Variants in AGMO observed in about 807,000 individuals in gnomAD.
AGMO encodes the protein alkylglycerol monooxygenase.
In AGMO, 75 loss-of-function variants were observed where a neutral mutation model predicts 60.2. That is an observed-to-expected ratio of 1.25 (90% CI 1.03 to 1.51). The LOEUF is 1.51. AGMO is among the 40% of genes most tolerant of loss of function. The pLI, the probability that AGMO is intolerant of heterozygous loss-of-function variation, is 0.00. For missense variants in AGMO, 763 were observed against 525.5 expected (o/e 1.45, Z -4.42); for synonymous variants, 261 against 177.1 (o/e 1.47, Z -3.76).
intron 3 of AGMO, among the ~76,000 whole-genome samples, chr7:15,510,302 A>C (rs535780295): frequency 2.4e-4 from 36 of 152,144 alleles, no homozygotes; most frequent in African/African-American, 8.4e-4. Flanking sequence ...AGTAGCTAGG[A>C]CTATAGGCAT....
intron 3 of AGMO, among the ~76,000 whole-genome samples, chr7:15,514,740 A>C (rs1236633814): frequency 6.6e-6 from 1 of 152,208 alleles, no homozygotes; most frequent in African/African-American, 2.4e-5. Flanking sequence ...ACTTTGCATG[A>C]ATAATTGAAT....
At position 15,355,529 on chromosome 7, in the gene AGMO, G is replaced by C. The variant is rs1441057764; in HGVS notation, c.1263+9985C>G. On this transcript the variant is annotated intron_variant, in intron 12 of 12. Transcript: ENST00000342526. Reference sequence around the variant, plus strand: ...CAAAAAAAAAAAAAAAAAAAAGAAGGTAAGATCATGGAATTAATTCAAATT... The same window carrying C: ...CAAAAAAAAAAAAAAAAAAAAGAAGCTAAGATCATGGAATTAATTCAAATT... 2.1e-5 allele frequency among the ~76,000 whole-genome samples: 3 copies of C among 140,404 alleles called. 1 individual carries two copies. The East Asian group carries it at 6.2e-4, about 29-fold the overall frequency. 92.1% of individuals were successfully genotyped at this position (140,404 alleles called of 152,430 possible). A position where few individuals can be genotyped will look rare whatever the true frequency, so the allele number is the denominator to read the frequency against.
At chr7:15,352,802 C>T (rs1005606114) in intron 12 of AGMO, among the ~76,000 whole-genome samples, 1 of 151,844 alleles carries the variant, frequency 6.6e-6, no homozygotes, top group South Asian at 2.1e-4. Flanking sequence ...TGTCCACTTA[C>T]AGATCTTCAC....
chr7:15,359,845 T>C (rs1782683543), intron 12 of AGMO, among the ~76,000 whole-genome samples: 1 of 152,210 alleles, frequency 6.6e-6, no homozygotes, highest in African/African-American at 2.4e-5. Flanking sequence ...CCTTTCCATA[T>C]GATAGTGTAT....
At chr7:15,136,725 C>T in the AGMO span, among the ~76,000 whole-genome samples, 5 of 151,578 alleles carry the variant, frequency 3.3e-5, no homozygotes, top group Admixed American at 1.3e-4. Flanking sequence ...CTAATAGGAC[C>T]GCCTTTATTG....
intron 4 of AGMO, among the ~76,000 whole-genome samples, chr7:15,425,195 G>A (rs148602268): frequency 0.012 from 1,765 of 152,130 alleles, 28 homozygotes; most frequent in African/African-American, 0.036. Flanking sequence ...TTAATTGATC[G>A]GTTCAAATTA....
chr7:15,330,804 C>G (rs1781475827), intron 12 of AGMO, among the ~76,000 whole-genome samples: 1 of 151,526 alleles, frequency 6.6e-6, no homozygotes, highest in Non-Finnish European at 1.5e-5. Context: ...CTTTCTAAGC[C>G]TCTCCTTATT....
At chr7:15,529,653 A>ACAGAATATATATAGTATATATATTC (rs1784238769) in intron 3 of AGMO, among the ~76,000 whole-genome samples, 2 of 27,462 alleles carry the variant, frequency 7.3e-5, no homozygotes, top group African/African-American at 2.4e-4. Flanking sequence ...TATACTATAT[A>ACAGAATATATATAGTATATATATTC]TTCTATATAT....
intron 12 of AGMO, among the ~76,000 whole-genome samples, chr7:15,207,420 A>G (rs1440515432): frequency 6.6e-6 from 1 of 152,208 alleles, no homozygotes; most frequent in African/African-American, 2.4e-5. Context: ...TGACAACTCA[A>G]TAATGTGGAT....
At chr7:15,360,089 T>C (rs570572660) in intron 12 of AGMO, among the ~76,000 whole-genome samples, 2 of 152,308 alleles carry the variant, frequency 1.3e-5, no homozygotes, top group Admixed American at 1.3e-4. Context: ...ACAGACATTA[T>C]TATAAGTACT....
chr7:15,406,330 G>T (rs1318934863), intron 5 of AGMO, among the ~76,000 whole-genome samples: 10 of 140,416 alleles, frequency 7.1e-5, no homozygotes, highest in Admixed American at 5.8e-4. Flanking sequence ...TATATATATG[G>T]AATATACATA....
chr7:15,415,237 C>G (rs181360013), intron 5 of AGMO, among the ~76,000 whole-genome samples: 1 of 151,916 alleles, frequency 6.6e-6, no homozygotes, highest in South Asian at 2.1e-4. Context: ...GCTGGGACTA[C>G]AGGCACCCGC....
intron 10 of AGMO, among the ~76,000 whole-genome samples, chr7:15,375,914 AGTGATATG>A (rs1783434601): frequency 6.6e-6 from 1 of 152,150 alleles, no homozygotes; most frequent in Non-Finnish European, 1.5e-5. Context: ...AAACACTTAT[AGTGATATG>A]AAGATATATT....
chr7:15,471,450 T>C (rs1583586389), intron 3 of AGMO, among the ~76,000 whole-genome samples: 1 of 151,954 alleles, frequency 6.6e-6, no homozygotes. Context: ...TTACCCAGGA[T>C]CTTTCTTTCT....
chr7:15,237,522 T>G (rs982363287), intron 12 of AGMO, among the ~76,000 whole-genome samples: 18 of 151,918 alleles, frequency 1.2e-4, no homozygotes, highest in African/African-American at 4.4e-4. Context: ...AATTTACATG[T>G]GGAATCTCAC....
chr7:15,384,797 TAAAA>T (rs1161663401), intron 10 of AGMO, among the ~76,000 whole-genome samples: 1 of 144,566 alleles, frequency 6.9e-6, no homozygotes, highest in Admixed American at 7.0e-5. Flanking sequence ...AATAAATCTA[TAAAA>T]AATACCTGTT....
intron 12 of AGMO, among the ~76,000 whole-genome samples, chr7:15,336,183 A>G (rs1423326275): frequency 6.6e-6 from 1 of 152,114 alleles, no homozygotes; most frequent in Non-Finnish European, 1.5e-5. Context: ...CATCTCTTCT[A>G]ACACATTCAA....
intron 3 of AGMO, among the ~76,000 whole-genome samples, chr7:15,452,208 G>A (rs944180619): frequency 2.6e-5 from 4 of 151,496 alleles, no homozygotes; most frequent in Admixed American, 1.3e-4. Context: ...ATACCAGAAG[G>A]CCAAGCAAAG....
intron 3 of AGMO, among the ~76,000 whole-genome samples, chr7:15,464,173 A>G (rs1009859462): frequency 2.0e-5 from 3 of 152,198 alleles, no homozygotes; most frequent in African/African-American, 2.4e-5. Context: ...ATGCACACCC[A>G]TTAGAGTTCT....
Sources: gnomAD v4.1 joint callset for allele counts (sites outside exome capture counted in the v4.1 genomes callset) on GRCh38, gnomAD v4.1.1 for gene constraint, MANE v1.5 for transcripts, NCBI Gene and HGNC (gene_info 2026-07-23, HGNC 2026-07-21) for gene names.